PRKN: variants seen among roughly 807,000 people sequenced by gnomAD.
PRKN encodes the protein parkin RBR E3 ubiquitin protein ligase, also known as E3 ubiquitin-protein ligase parkin.
PRKN carries 56 observed loss-of-function variants against 59.5 expected under a neutral mutation model. The observed-to-expected ratio is 0.94, with a 90% CI of 0.76 to 1.18. PRKN has a LOEUF of 1.18. PRKN is among the 50% of genes most tolerant of loss of function. The pLI is 0.00. For missense variants in PRKN, 657 were observed against 596.4 expected (o/e 1.10, Z -1.06); for synonymous variants, 250 against 222.1 (o/e 1.13, Z -1.12).
At chr6:162,023,095 C>T (rs569858324) in intron 5 of PRKN, among the ~76,000 whole-genome samples, 46 of 152,134 alleles carry the variant, frequency 3.0e-4, no homozygotes, top group African/African-American at 1.1e-3. Context: ...GTGTGGCTTG[C>T]TTCTTCAGAG....
chr6:162,009,028 G>C (rs1774744920), intron 5 of PRKN, among the ~76,000 whole-genome samples: 1 of 151,906 alleles, frequency 6.6e-6, no homozygotes, highest in Non-Finnish European at 1.5e-5. Context: ...GCTGAGGCGG[G>C]CGGATCACGA....
At chr6:161,651,023 A>T (rs1784131579) in intron 7 of PRKN, among the ~76,000 whole-genome samples, 1 of 152,194 alleles carries the variant, frequency 6.6e-6, no homozygotes, top group South Asian at 2.1e-4. Flanking sequence ...ACTTTTGTTA[A>T]ATTTTCATAT....
intron 2 of PRKN, among the ~76,000 whole-genome samples, chr6:162,347,103 A>G (rs534728382): frequency 2.0e-5 from 3 of 150,238 alleles, no homozygotes; most frequent in Non-Finnish European, 4.5e-5. Context: ...TATATTTATT[A>G]TATTTATTTT....
chr6:161,819,008 A>G (rs1251966955), intron 6 of PRKN, among the ~76,000 whole-genome samples: 1 of 152,204 alleles, frequency 6.6e-6, no homozygotes, highest in African/African-American at 2.4e-5. Flanking sequence ...TGAATGTTTC[A>G]ATACCCTCAA....
In PRKN at chr6:161,498,412, C is replaced by G. The variant is rs542588646; in HGVS notation, c.1083+50442G>C. Among the ~76,000 whole-genome samples, 1 of 152,216 alleles carries G rather than the reference C, an allele frequency of 6.6e-6. No homozygotes were observed. Among genetic ancestry groups the G allele is most frequent in the African/African-American group, 2.4e-5 (1 of 41,456 alleles). On this transcript the variant is annotated intron_variant, in intron 9 of 11. Coordinates refer to ENST00000366898, the MANE Select transcript of PRKN (RefSeq NM_004562.3). This position sits in a 1 kb window ranked among gnomAD's most constrained non-coding sequence, Gnocchi z 4.2. ...TTGGAATTCAAGCCTCCTCCCAACA[C>G]ACCACATGACCCCGCCGTGCCAGCC...
At chr6:162,380,519 A>G (rs1406768524) in intron 2 of PRKN, among the ~76,000 whole-genome samples, 8 of 137,796 alleles carry the variant, frequency 5.8e-5, no homozygotes, top group Non-Finnish European at 7.7e-5. Flanking sequence ...GTATATATAT[A>G]TATATGTATA....
intron 2 of PRKN, among the ~76,000 whole-genome samples, chr6:162,425,522 A>G (rs1258465779): frequency 6.6e-6 from 1 of 152,228 alleles, no homozygotes; most frequent in African/African-American, 2.4e-5. Context: ...CAAGAGCAGG[A>G]TTCCATCAGA....
chr6:162,443,177 G>C, intron 2 of PRKN, 133 bp downstream of exon 2: 2 of 850,724 alleles, frequency 2.4e-6, no homozygotes, highest in Non-Finnish European at 3.7e-6. Context: ...AAGCAGTGTG[G>C]AGTAAAGTTC....
At chr6:162,475,593 G>GTGAGTA (rs10660800) in intron 1 of PRKN, among the ~76,000 whole-genome samples, 1 of 151,920 alleles carries the variant, frequency 6.6e-6, no homozygotes, top group African/African-American at 2.4e-5. Flanking sequence ...GAGTGTGTGT[G>GTGAGTA]TGTTTGCATG....
At chr6:162,397,481 C>T (rs1395852969) in intron 2 of PRKN, among the ~76,000 whole-genome samples, 1 of 151,764 alleles carries the variant, frequency 6.6e-6, no homozygotes, top group Non-Finnish European at 1.5e-5. Flanking sequence ...CACGGCTGTA[C>T]TAGATATTTG....
At chr6:161,699,173 C>T (rs949054667) in intron 7 of PRKN, among the ~76,000 whole-genome samples, 4 of 152,120 alleles carry the variant, frequency 2.6e-5, no homozygotes, top group South Asian at 2.1e-4. Context: ...ATTAAAACCA[C>T]ACCTATTAGA....
chr6:162,655,698 T>C (rs1190530073), intron 1 of PRKN, among the ~76,000 whole-genome samples: 2 of 152,166 alleles, frequency 1.3e-5, no homozygotes, highest in Non-Finnish European at 2.9e-5. Flanking sequence ...CACTGTGAGA[T>C]AGATATACAG....
chr6:162,403,774 G>A (rs76589392), intron 2 of PRKN, among the ~76,000 whole-genome samples: 1,667 of 152,258 alleles, frequency 0.011, 22 homozygotes, highest in Middle Eastern at 0.014. Flanking sequence ...GACACAAGTC[G>A]TTGTAATTAC....
intron 9 of PRKN, among the ~76,000 whole-genome samples, chr6:161,415,278 T>TATATA (rs1787786288): frequency 6.6e-6 from 1 of 152,126 alleles, no homozygotes; most frequent in African/African-American, 2.4e-5. Context: ...TCATTTTATA[T>TATATA]ACGTGGGGAA....
Position 161,405,359 on chromosome 6 carries a change from AT to A in PRKN, c.1084-18483del, listed in dbSNP as rs995491281. 6.6e-6 allele frequency among the ~76,000 whole-genome samples: 1 copy of A among 151,916 alleles called. No homozygotes were observed. Among genetic ancestry groups the A allele is most frequent in the African/African-American group, 2.4e-5 (1 of 41,358 alleles). ...TTGGGAGGCTGAGGCAGGTGGATCA[AT>A]TGAGGTCAGGAGTTCGAGACCAGCC... On this transcript the variant is annotated intron_variant, in intron 9 of 11. Transcript: ENST00000366898. This position sits in a 1 kb window ranked among gnomAD's most constrained non-coding sequence, Gnocchi z 5.1.
intron 5 of PRKN, among the ~76,000 whole-genome samples, chr6:162,036,146 A>C (rs1470000873): frequency 6.6e-6 from 1 of 151,550 alleles, no homozygotes; most frequent in African/African-American, 2.4e-5. Context: ...AACACAGTGA[A>C]ACCCCGTCTC....
intron 9 of PRKN, among the ~76,000 whole-genome samples, chr6:161,508,980 G>A (rs1709507627): frequency 6.6e-6 from 1 of 152,090 alleles, no homozygotes; most frequent in African/African-American, 2.4e-5. Flanking sequence ...AAGTAGCTGG[G>A]ATTACAGGCA....
At position 161,549,141 on chromosome 6, in the gene PRKN, TA is replaced by T. The variant is rs1779907268; in HGVS notation, c.934-139del. The stretch of plus-strand genomic sequence containing the variant: ...GCATGTGTGTGTGTGTGTGTGTGTG[TA>T]GGGGGAGGGAGAGGGCCACGGGGTT... On this transcript the variant is annotated intron_variant, in intron 8 of 11. Coordinates refer to ENST00000366898, the MANE Select transcript of PRKN (RefSeq NM_004562.3). This position sits in a 1 kb window ranked among gnomAD's most constrained non-coding sequence, Gnocchi z 6.0. 6.4e-6 allele frequency: 5 copies of T among 781,282 alleles called. No homozygotes were observed. The highest frequency in any genetic ancestry group is 2.3e-5 in the Admixed American group (1 of 43,218). The allele number at this position is 781,282 out of a possible 1,614,324, so 48.4% of individuals were successfully genotyped here.
chr6:162,220,798 A>G (rs1219758318), intron 3 of PRKN, among the ~76,000 whole-genome samples: 1 of 152,228 alleles, frequency 6.6e-6, no homozygotes, highest in Non-Finnish European at 1.5e-5. Flanking sequence ...CACTTACCGA[A>G]TGACTGAAAT....
Sources: gnomAD v4.1 joint callset for allele counts (sites outside exome capture counted in the v4.1 genomes callset) on GRCh38, gnomAD v4.1.1 for gene constraint, Gnocchi (gnomAD v3.1) non-coding constraint, MANE v1.5 for transcripts, NCBI Gene and HGNC (gene_info 2026-07-23, HGNC 2026-07-21) for gene names.